Variants in NPAS3 observed in about 807,000 individuals in gnomAD.
NPAS3 encodes the protein neuronal PAS domain protein 3, also known as neuronal PAS domain-containing protein 3.
Under a neutral mutation model 73.1 loss-of-function variants are expected in NPAS3, and 14 were observed. That is an observed-to-expected ratio of 0.19 (90% CI 0.13 to 0.30). The LOEUF is 0.30. Among genes scored for constraint, NPAS3 ranks in the 10% least tolerant of loss-of-function variants. The probability of loss-of-function intolerance (pLI) is 1.00; values close to 1 mark genes in which losing one functional copy is unlikely to be tolerated. For synonymous variants in NPAS3, 620 were observed against 541.5 expected (o/e 1.14, Z -2.01); for missense variants, 1,096 against 1,250.0 (o/e 0.88, Z 1.86).
At chr14:33,332,040 C>A (rs79266550) in intron 3 of NPAS3, among the ~76,000 whole-genome samples, 4 of 152,110 alleles carry the variant, frequency 2.6e-5, no homozygotes, top group Non-Finnish European at 5.9e-5. Context: ...TTTTAGCCTA[C>A]GTTTTTTAGA....
At chr14:33,788,187 C>T (rs1188226979) in intron 9 of NPAS3, among the ~76,000 whole-genome samples, 3 of 152,194 alleles carry the variant, frequency 2.0e-5, no homozygotes, top group Non-Finnish European at 4.4e-5. Context: ...CTCACTTACA[C>T]ACACAGATAC....
At chr14:32,970,986 T>C (rs894778271) in intron 1 of NPAS3, among the ~76,000 whole-genome samples, 6 of 152,112 alleles carry the variant, frequency 3.9e-5, no homozygotes, top group Non-Finnish European at 7.4e-5. Context: ...CAGGGTGTTA[T>C]TACCATTTCA....
At chr14:33,052,051 G>A (rs753630296) in intron 1 of NPAS3, among the ~76,000 whole-genome samples, 7 of 152,162 alleles carry the variant, frequency 4.6e-5, no homozygotes, top group Non-Finnish European at 1.0e-4. Flanking sequence ...GAGCCACCGT[G>A]CCTGGCCATG....
Position 33,004,315 on chromosome 14 carries a change from G to A in NPAS3, c.51-51590G>A, listed in dbSNP as rs564324212. Among the ~76,000 whole-genome samples, 5 of 152,190 alleles carry A rather than the reference G, an allele frequency of 3.3e-5. No homozygotes were observed. In the South Asian group the frequency reaches 8.3e-4, roughly 25 times the overall value. On this transcript the variant is annotated intron_variant, in intron 1 of 11. Coordinates refer to ENST00000356141, the Ensembl canonical transcript of NPAS3. Reference sequence around the variant, plus strand: ...TAGCCTGCTACACACTAGGATATATGGTATAGCCTATTTCTCAAAGCCTAC... The same window carrying A: ...TAGCCTGCTACACACTAGGATATATAGTATAGCCTATTTCTCAAAGCCTAC...
At chr14:33,561,779 G>A (rs1236094622) in intron 5 of NPAS3, among the ~76,000 whole-genome samples, 1 of 152,180 alleles carries the variant, frequency 6.6e-6, no homozygotes, top group African/African-American at 2.4e-5. Context: ...TAAAGAAGAA[G>A]GGTGAATAAT....
At chr14:33,589,272 A>G (rs943271936) in intron 5 of NPAS3, among the ~76,000 whole-genome samples, 7 of 152,184 alleles carry the variant, frequency 4.6e-5, no homozygotes, top group Admixed American at 6.5e-5. Flanking sequence ...CGTCTCCCTG[A>G]CCATGAAAAA....
rs187411418 is a variant in NPAS3, at chr14:33,095,674, T to A, written c.140+39680T>A. 8.1e-3 allele frequency among the ~76,000 whole-genome samples: 1,124 copies of A among 138,424 alleles called. 39 individuals carry two copies. Among genetic ancestry groups the A allele is most frequent in the South Asian group, 0.013 (54 of 4,306 alleles). The allele number at this position is 138,424 out of a possible 152,430, so 90.8% of individuals were successfully genotyped here. On this transcript the variant is annotated intron_variant, in intron 2 of 11. Coordinates refer to ENST00000356141, the Ensembl canonical transcript of NPAS3. ...ATTCTCTGCTTTTATTTTTTTATTT[T>A]TTTTTTTTTTTTGAGAGGGAGTCTC...
intron 4 of NPAS3, among the ~76,000 whole-genome samples, chr14:33,437,092 G>A (rs1207495482): frequency 6.6e-6 from 1 of 152,198 alleles, no homozygotes; most frequent in African/African-American, 2.4e-5. Flanking sequence ...TGAGCCTAGA[G>A]GCTGCAGTCC....
chr14:33,573,809 A>C (rs189631521), intron 5 of NPAS3, among the ~76,000 whole-genome samples: 39 of 152,272 alleles, frequency 2.6e-4, no homozygotes, highest in African/African-American at 8.9e-4. Context: ...GAAATGGAGG[A>C]TAGAAAGCAC....
chr14:33,214,249 C>T (rs12883235), intron 2 of NPAS3: 14,177 of 152,178 alleles, frequency 0.093, 793 homozygotes, highest in Non-Finnish European at 0.13. Context: ...GTAGAATTCT[C>T]CTGTCAGATG....
rs148820811 is a variant in NPAS3 at position 33,216,951 on chromosome 14, A to G, written c.385+1525A>G. On this transcript the variant is annotated intron_variant, in intron 3 of 11. Coordinates refer to ENST00000356141, the Ensembl canonical transcript of NPAS3. ...TAGATATCAATTCAATAACACACCA[A>G]TTCATGTTCTAGATTGTATTATGCT... is the stretch of plus-strand genomic sequence containing the variant. Among the ~76,000 whole-genome samples, 634 of 152,264 alleles carry G rather than the reference A, an allele frequency of 4.2e-3. 4 individuals are homozygous for G. Among genetic ancestry groups the G allele is most frequent in the Non-Finnish European group, 6.8e-3 (463 of 68,024 alleles).
chr14:32,999,039 C>T (rs2038696677), intron 1 of NPAS3, among the ~76,000 whole-genome samples: 1 of 152,138 alleles, frequency 6.6e-6, no homozygotes, highest in African/African-American at 2.4e-5. Flanking sequence ...CAGTACATGC[C>T]AGGGAACATA....
chr14:33,441,802 T>C, intron 4 of NPAS3, among the ~76,000 whole-genome samples: 1 of 152,108 alleles, frequency 6.6e-6, no homozygotes, highest in East Asian at 1.9e-4. Context: ...CAAAGGCACG[T>C]CTTACATGGT....
intron 4 of NPAS3, among the ~76,000 whole-genome samples, chr14:33,534,109 A>G (rs2054156770): frequency 6.6e-6 from 1 of 152,012 alleles, no homozygotes; most frequent in African/African-American, 2.4e-5. Flanking sequence ...TATAATCTAC[A>G]GGGAGAATTT....
chr14:32,939,556 T>TCCGGCGGCGGCAGCGAGAGG, intron 1 of NPAS3, among the ~76,000 whole-genome samples, 190 bp downstream of exon 1: 2 of 132,578 alleles, frequency 1.5e-5, no homozygotes, highest in Non-Finnish European at 3.1e-5. Context: ...AGCGAGAGGC[T>TCCGGCGGCGGCAGCGAGAGG]CTGGCGGCGG....
At chr14:33,062,288 A>C (rs2041133188) in intron 2 of NPAS3, among the ~76,000 whole-genome samples, 2 of 146,302 alleles carry the variant, frequency 1.4e-5, no homozygotes, top group South Asian at 4.5e-4. Context: ...ATTCCCACCT[A>C]TGAAAAAAAA....
In NPAS3 at chr14:33,728,359, CACAATT is replaced by C. The variant is rs1417242919; in HGVS notation, c.734-6853_734-6848del. Among the ~76,000 whole-genome samples the C allele has an allele frequency of 7.9e-5, 12 of 152,274 alleles. No individual in the cohort carries two copies. In the East Asian group the frequency reaches 2.1e-3, roughly 27 times the overall value. ...GAAGGTTATTACATCATTATTGAAT[CACAATT>C]ATTTTCACAGCTATGCTCTAGAGTT... On this transcript the variant is annotated intron_variant, in intron 6 of 11. Coordinates refer to ENST00000356141, the Ensembl canonical transcript of NPAS3.
Position 33,530,046 on chromosome 14 carries a change from AT to A in NPAS3, c.469-30067del, listed in dbSNP as rs970653421. ...TCTTCAAATCCAGACATGCTGTCCA[AT>A]TTTTTTTAGTGATAAACATACTTTC... On this transcript the variant is annotated intron_variant, in intron 4 of 11. Transcript: ENST00000356141. Among the ~76,000 whole-genome samples the A allele has an allele frequency of 1.6e-3, 247 of 152,024 alleles. 1 individual carries two copies. The highest frequency in any genetic ancestry group is 5.4e-3 in the African/African-American group (223 of 41,484).
intron 5 of NPAS3, among the ~76,000 whole-genome samples, chr14:33,630,744 G>A (rs2058355245): frequency 6.6e-6 from 1 of 152,190 alleles, no homozygotes; most frequent in African/African-American, 2.4e-5. Flanking sequence ...CCAGGATGGA[G>A]AAGGGAGGGC....
Sources: gnomAD v4.1 joint callset for allele counts (sites outside exome capture counted in the v4.1 genomes callset) on GRCh38, gnomAD v4.1.1 for gene constraint, MANE v1.5 for transcripts, NCBI Gene and HGNC (gene_info 2026-07-23, HGNC 2026-07-21) for gene names.